WRN: variants seen among roughly 807,000 people sequenced by gnomAD.
The protein encoded by WRN is bifunctional 3'-5' exonuclease/ATP-dependent helicase WRN.
Under a neutral mutation model 180.7 loss-of-function variants are expected in WRN, and 149 were observed. The ratio of observed to expected loss-of-function variants is 0.82; its 90% CI spans 0.72 to 0.94. WRN has a LOEUF of 0.94. WRN is among the 40% of genes least tolerant of loss of function. The pLI is 0.00. For missense variants in WRN, 1,661 were observed against 1,700.1 expected (o/e 0.98, Z 0.40); for synonymous variants, 548 against 568.9 (o/e 0.96, Z 0.52).
At chr8:31,149,329 G>A (rs183435298) in intron 30 of WRN, among the ~76,000 whole-genome samples, 2 of 151,298 alleles carry the variant, frequency 1.3e-5, no homozygotes, top group African/African-American at 2.4e-5. Flanking sequence ...CCCGGGAGGC[G>A]GAGCTTGCAG....
chr8:31,077,439 T>A (rs772385720), intron 8 of WRN, among the ~76,000 whole-genome samples: 2 of 152,102 alleles, frequency 1.3e-5, no homozygotes, highest in South Asian at 2.1e-4. Flanking sequence ...AGACGGGGTT[T>A]CACCGTGTTA....
At chr8:31,124,774 C>T in intron 22 of WRN, 134 bp from the exon 23 acceptor site, 1 of 1,178,382 alleles carries the variant, frequency 8.5e-7, no homozygotes, top group East Asian at 2.5e-5. Flanking sequence ...TTCTTTGTGT[C>T]TGAGTAAACT....
chr8:31,118,328 G>GT (rs1356276673), intron 20 of WRN, among the ~76,000 whole-genome samples: 11 of 151,930 alleles, frequency 7.2e-5, no homozygotes, highest in Non-Finnish European at 1.2e-4. Flanking sequence ...AATTGATATG[G>GT]TTTTTTCTCC....
intron 12 of WRN, 54 bp from the exon 13 acceptor site, chr8:31,088,836 T>C: frequency 7.0e-7 from 1 of 1,429,928 alleles, no homozygotes; most frequent in Non-Finnish European, 9.7e-7. Flanking sequence ...GTTTTCTCCC[T>C]CTATGTGGTG....
intron 18 of WRN, among the ~76,000 whole-genome samples, chr8:31,110,594 G>A (rs184405002): frequency 6.6e-6 from 1 of 152,122 alleles, no homozygotes; most frequent in East Asian, 1.9e-4. Flanking sequence ...TATTCTAGAA[G>A]TGCTTCTTTG....
chr8:31,056,300 T>C (rs1316976775), intron 1 of WRN, among the ~76,000 whole-genome samples: 1 of 152,178 alleles, frequency 6.6e-6, no homozygotes, highest in Non-Finnish European at 1.5e-5. Context: ...GCTTTATAAA[T>C]ATATATTTTA....
At chr8:31,091,682 T>C in intron 15 of WRN, 148 bp from the exon 16 acceptor site, 2 of 753,312 alleles carry the variant, frequency 2.7e-6, no homozygotes, top group South Asian at 3.6e-5. Context: ...TGAAGGAATT[T>C]GCTTATCAAG....
intron 23 of WRN, among the ~76,000 whole-genome samples, chr8:31,132,159 G>A (rs1802204118): frequency 6.6e-6 from 1 of 151,960 alleles, no homozygotes; most frequent in Non-Finnish European, 1.5e-5. Context: ...AACCATCAGC[G>A]TAACATATCT....
chr8:31,039,453 T>A (rs13278463), intron 1 of WRN, among the ~76,000 whole-genome samples: 16,711 of 152,192 alleles, frequency 0.11, 1,134 homozygotes, highest in African/African-American at 0.19. Context: ...TTAGATCTAG[T>A]AGCTTTCTTT....
intron 1 of WRN, among the ~76,000 whole-genome samples, chr8:31,047,409 C>T (rs1298361917): frequency 3.9e-5 from 6 of 152,124 alleles, no homozygotes; most frequent in African/African-American, 1.2e-4. Flanking sequence ...ATTGCTGGCA[C>T]GTACCACTAC....
chr8:31,044,258 G>T (rs1286254888), intron 1 of WRN, among the ~76,000 whole-genome samples: 1 of 150,742 alleles, frequency 6.6e-6, no homozygotes, highest in African/African-American at 2.4e-5. Flanking sequence ...AGCCAGGATG[G>T]TCTCAATCTC....
intron 18 of WRN, among the ~76,000 whole-genome samples, chr8:31,102,059 A>G (rs533579971): frequency 2.2e-4 from 33 of 152,234 alleles, no homozygotes; most frequent in South Asian, 2.1e-3. Context: ...TCTAGAGTTT[A>G]TTCCTATTTC....
At chr8:31,087,058 T>TA (rs34320081) in intron 11 of WRN, among the ~76,000 whole-genome samples, 19,675 of 148,142 alleles carry the variant, frequency 0.13, 1,654 homozygotes, top group African/African-American at 0.25. Context: ...TACTTTTTTT[T>TA]AAAAAAAAAC....
At chr8:31,113,165 C>T (rs1208547293) in intron 19 of WRN, among the ~76,000 whole-genome samples, 2 of 148,212 alleles carry the variant, frequency 1.3e-5, no homozygotes, top group Non-Finnish European at 3.0e-5. Context: ...GAGATCACAC[C>T]ACTGTACTCC....
intron 3 of WRN, among the ~76,000 whole-genome samples, 176 bp downstream of exon 3, chr8:31,059,441 T>A (rs1211034214): frequency 1.3e-5 from 2 of 152,232 alleles, no homozygotes; most frequent in African/African-American, 4.8e-5. Flanking sequence ...TGAATTAATT[T>A]GTAATCTGTC....
intron 24 of WRN, among the ~76,000 whole-genome samples, chr8:31,139,790 C>G (rs1385961451): frequency 3.3e-5 from 5 of 152,114 alleles, no homozygotes; most frequent in African/African-American, 1.2e-4. Flanking sequence ...GCCTCACTTC[C>G]TGCTTATACC....
At position 31,141,553 on chromosome 8, in the gene WRN, G is replaced by T. The variant is rs138492730; in HGVS notation, c.3091G>T (p.Val1031Phe). 2 of 1,614,144 alleles carry T rather than the reference G, an allele frequency of 1.2e-6. No individual in the cohort carries two copies. Among genetic ancestry groups the T allele is most frequent in the Non-Finnish European group, 8.5e-7 (1 of 1,180,024 alleles). The stretch of plus-strand genomic sequence containing the variant: ...GATCACTGAGGGATTCTTGGTAGAA[G>T]TTTCTCGGTATAACAAATTTATGAA... ...QLITEGFLVE[V>F]SRYNKFMKIC... Residue 1031 changes from valine to phenylalanine, a missense_variant, in exon 25 of 35, where the codon GTT (valine) becomes TTT (phenylalanine). By Grantham distance (50) the Val-to-Phe change is conservative (BLOSUM62 -1). This residue lies in a region of WRN where 1,141 missense variants were observed against 1,149.4 expected (regional missense o/e 0.99). Transcript: ENST00000298139.
intron 23 of WRN, among the ~76,000 whole-genome samples, chr8:31,128,835 G>A (rs1044236904): frequency 2.6e-5 from 4 of 152,092 alleles, no homozygotes; most frequent in Non-Finnish European, 5.9e-5. Context: ...CTCCAGCCTG[G>A]GCAACAGAGC....
chr8:31,142,658 A>G lies in WRN; in HGVS notation c.3266A>G (p.His1089Arg). 6.2e-7 allele frequency: 1 copy of G among 1,604,796 alleles called. No homozygotes were observed. Among genetic ancestry groups the G allele is most frequent in the Non-Finnish European group, 8.5e-7 (1 of 1,175,810 alleles). The change falls in exon 27 of 35, where the codon CAT (histidine) becomes CGT (arginine). Residue 1089 changes from histidine (H) to arginine (R), a missense_variant. This residue lies in a region of WRN where 1,141 missense variants were observed against 1,149.4 expected (regional missense o/e 0.99). Transcript: ENST00000298139. ...ACTGTATCTTCGGGCACCAAAGAGC[A>G]TTGTTATAATCAAGTACCAGTTGAA... The part of the protein sequence containing the change: ...SKTVSSGTKE[H>R]CYNQVPVELS...
Sources: gnomAD v4.1 joint callset for allele counts (sites outside exome capture counted in the v4.1 genomes callset) on GRCh38, gnomAD v4.1.1 for gene constraint, gnomAD v4.1.1 regional missense constraint, MANE v1.5 for transcripts, NCBI Gene and HGNC (gene_info 2026-07-23, HGNC 2026-07-21) for gene names.